The following AFF3 variants were observed in gnomAD, a reference collection of about 807,000 sequenced individuals.
AFF3 encodes the protein AF4/FMR2 family member 3.
AFF3 carries 32 observed loss-of-function variants against 129.7 expected under a neutral mutation model. The ratio of observed to expected loss-of-function variants is 0.25; its 90% CI spans 0.19 to 0.33. The LOEUF is 0.33. Ranked by LOEUF, AFF3 falls within the 10% of genes least tolerant of loss-of-function variation. The probability of loss-of-function intolerance (pLI) is 1.00; values close to 1 mark genes in which losing one functional copy is unlikely to be tolerated. For missense variants in AFF3, 1,373 were observed against 1,592.0 expected, an observed-to-expected ratio of 0.86 and a Z score of 2.34; for synonymous variants, 644 against 635.4, an observed-to-expected ratio of 1.01 and a Z score of -0.20.
intron 8 of AFF3, among the ~76,000 whole-genome samples, chr2:99,806,124 A>G (rs1686331151): frequency 1.3e-5 from 2 of 152,220 alleles, no homozygotes; most frequent in Admixed American, 1.3e-4. Flanking sequence ...GCATTGCATC[A>G]GCCATGATAA....
At chr2:99,880,539 G>A (rs1026865298) in intron 7 of AFF3, among the ~76,000 whole-genome samples, 7 of 152,302 alleles carry the variant, frequency 4.6e-5, no homozygotes, top group South Asian at 2.1e-4. Context: ...GTGGGCTGGC[G>A]CTATGGGCTA....
At chr2:100,005,055 C>A (rs952588805) in intron 7 of AFF3, among the ~76,000 whole-genome samples, 1 of 152,144 alleles carries the variant, frequency 6.6e-6, no homozygotes, top group Non-Finnish European at 1.5e-5. Flanking sequence ...TTTCTCTCAG[C>A]GTGAGTCTCT....
chr2:99,834,450 T>C (rs558404240), intron 8 of AFF3, among the ~76,000 whole-genome samples: 84 of 152,278 alleles, frequency 5.5e-4, no homozygotes, highest in African/African-American at 1.9e-3. Context: ...CACTTGGTGG[T>C]TGTTATTGTA....
chr2:100,023,180 T>A (rs1011362960), intron 4 of AFF3, among the ~76,000 whole-genome samples: 3 of 152,218 alleles, frequency 2.0e-5, no homozygotes, highest in Non-Finnish European at 2.9e-5. Context: ...TATCTGGTGT[T>A]CCTTCTCACT....
intron 8 of AFF3, among the ~76,000 whole-genome samples, chr2:99,827,291 C>A (rs1274342889): frequency 1.3e-5 from 2 of 152,100 alleles, no homozygotes; most frequent in Non-Finnish European, 2.9e-5. Context: ...ACACCAACAT[C>A]AAGGGGGACT....
At chr2:99,723,010 T>C (rs1205860460) in intron 11 of AFF3, among the ~76,000 whole-genome samples, 2 of 152,176 alleles carry the variant, frequency 1.3e-5, no homozygotes, top group African/African-American at 4.8e-5. Flanking sequence ...TCTGCCTTCT[T>C]TTAGTTAGAC....
chr2:100,096,093 A>G (rs1163907218), intron 4 of AFF3, among the ~76,000 whole-genome samples: 3 of 151,538 alleles, frequency 2.0e-5, no homozygotes, highest in African/African-American at 4.9e-5. Flanking sequence ...CATCCCCCCA[A>G]CCCCAGCCCT....
intron 13 of AFF3, among the ~76,000 whole-genome samples, chr2:99,642,192 G>T (rs182058152): frequency 5.9e-5 from 9 of 152,188 alleles, no homozygotes; most frequent in Admixed American, 5.9e-4. Flanking sequence ...ATCCCCACTC[G>T]CTACAAGAGA....
intron 4 of AFF3, among the ~76,000 whole-genome samples, chr2:100,044,895 G>A (rs1230899035): frequency 8.5e-5 from 13 of 152,048 alleles, no homozygotes; most frequent in Admixed American, 8.5e-4. Context: ...CTCCACAGCA[G>A]CCTCGCTGTC....
intron 8 of AFF3, among the ~76,000 whole-genome samples, chr2:99,778,307 T>G (rs978345403): frequency 6.6e-6 from 1 of 152,148 alleles, no homozygotes; most frequent in Non-Finnish European, 1.5e-5. Context: ...TGGCACTAGG[T>G]GAAGCTCAAA....
intron 7 of AFF3, among the ~76,000 whole-genome samples, chr2:99,858,300 C>G (rs1395867314): frequency 6.6e-6 from 1 of 150,828 alleles, no homozygotes; most frequent in Non-Finnish European, 1.5e-5. Context: ...AATACCAGCA[C>G]TTTGGGAGGC....
chr2:99,775,348 A>G (rs922189710), intron 8 of AFF3, among the ~76,000 whole-genome samples: 3 of 152,238 alleles, frequency 2.0e-5, no homozygotes, highest in South Asian at 2.1e-4. Context: ...AATGTGGTAC[A>G]TATACACCAT....
chr2:100,040,117 T>C (rs1255468162), intron 4 of AFF3, among the ~76,000 whole-genome samples: 1 of 152,192 alleles, frequency 6.6e-6, no homozygotes, highest in Non-Finnish European at 1.5e-5. Flanking sequence ...TCAACCTAAA[T>C]GACCCATACC....
At chr2:99,989,601 T>C (rs1042872705) in intron 7 of AFF3, among the ~76,000 whole-genome samples, 12 of 152,210 alleles carry the variant, frequency 7.9e-5, no homozygotes, top group African/African-American at 2.4e-4. Context: ...ATTAAGAGAA[T>C]TGACCAAAGC....
intron 4 of AFF3, among the ~76,000 whole-genome samples, chr2:100,092,929 A>G (rs1689975553): frequency 1.3e-5 from 2 of 151,480 alleles, no homozygotes; most frequent in African/African-American, 4.9e-5. Context: ...AAATATAAAC[A>G]TATCAAGGGC....
intron 7 of AFF3, among the ~76,000 whole-genome samples, chr2:99,939,888 G>A: frequency 6.6e-6 from 1 of 152,156 alleles, no homozygotes; most frequent in East Asian, 1.9e-4. Flanking sequence ...GTACCTAAAA[G>A]CTTTATATTT....
chr2:99,615,946 G>C (rs1681382316), intron 13 of AFF3, among the ~76,000 whole-genome samples: 1 of 152,236 alleles, frequency 6.6e-6, no homozygotes, highest in Non-Finnish European at 1.5e-5. Context: ...CAGGTCTATG[G>C]GGAAATGCTG....
intron 7 of AFF3, among the ~76,000 whole-genome samples, chr2:99,880,168 G>A (rs1303713355): frequency 1.3e-5 from 2 of 152,184 alleles, no homozygotes; most frequent in Non-Finnish European, 2.9e-5. Flanking sequence ...TTTCCAGCCT[G>A]CTAAAAACCA....
chr2:99,570,746 C>T (rs1479624230), intron 18 of AFF3, among the ~76,000 whole-genome samples: 1 of 152,134 alleles, frequency 6.6e-6, no homozygotes, highest in Non-Finnish European at 1.5e-5. Context: ...TCACGAAGGC[C>T]CTTGACCAAA....
Sources: allele counts gnomAD v4.1 joint callset (sites outside exome capture counted in the v4.1 genomes callset), GRCh38; gene constraint gnomAD v4.1.1; transcripts MANE v1.5; gene names NCBI Gene and HGNC (gene_info 2026-07-23, HGNC 2026-07-21).